The following DLGAP2 variants were observed in gnomAD, a reference collection of about 807,000 sequenced individuals.
DLGAP2 encodes DLG associated protein 2, also known as disks large-associated protein 2.
Under a neutral mutation model 100.3 loss-of-function variants are expected in DLGAP2, and 26 were observed. The ratio of observed to expected loss-of-function variants is 0.26; its 90% CI spans 0.19 to 0.36. The LOEUF (loss-of-function observed/expected upper bound fraction) is 0.36, where lower values mean the gene tolerates loss of function less well. DLGAP2 is among the 10% of genes least tolerant of loss of function. The pLI is 1.00. For synonymous variants in DLGAP2, 886 were observed against 630.1 expected, an observed-to-expected ratio of 1.41 and a Z score of -6.08; for missense variants, 1,858 against 1,453.2, an observed-to-expected ratio of 1.28 and a Z score of -4.53.
chr8:1,447,442 G>A lies in DLGAP2; in HGVS notation c.107-53924G>A, dbSNP rs545122235. Among the ~76,000 whole-genome samples the A allele has an allele frequency of 1.1e-3, 173 of 152,344 alleles. 1 individual carries two copies. The highest frequency in any genetic ancestry group is 4.0e-3 in the African/African-American group (167 of 41,580). On this transcript the variant is annotated intron_variant, in intron 3 of 14. Coordinates refer to ENST00000637795, the MANE Select transcript of DLGAP2 (RefSeq NM_001346810.2). ...TGCATCCCAGGGATGAAGCCCACTTGATCATGGTGGATAAGCTTTTTGATG... is the reference window on the plus strand; with the variant it reads ...TGCATCCCAGGGATGAAGCCCACTTAATCATGGTGGATAAGCTTTTTGATG...
chr8:840,536 T>C (rs1796962627), intron 1 of DLGAP2, among the ~76,000 whole-genome samples: 1 of 83,784 alleles, frequency 1.2e-5, no homozygotes, highest in Admixed American at 1.2e-4. Flanking sequence ...CCTGCACGTC[T>C]CCCCACACTC....
At chr8:1,361,667 T>C (rs564031783) in intron 3 of DLGAP2, among the ~76,000 whole-genome samples, 31 of 152,338 alleles carry the variant, frequency 2.0e-4, no homozygotes, top group African/African-American at 7.2e-4. Context: ...ATTAGCTTTC[T>C]CCATTTACTA....
rs540100818 is a variant in DLGAP2 at position 1,374,774 on chromosome 8, G to A, written c.106+115891G>A. 2.2e-4 allele frequency among the ~76,000 whole-genome samples: 34 copies of A among 152,010 alleles called. 1 individual carries two copies. Among genetic ancestry groups the A allele is most frequent in the African/African-American group, 4.3e-4 (18 of 41,464 alleles). ...GACGGTGGAAATCCTGCAGGGCACC[G>A]AGGCACCTAACGTCAAGGCTTCAGT... On this transcript the variant is annotated intron_variant, in intron 3 of 14. Coordinates refer to ENST00000637795, the MANE Select transcript of DLGAP2 (RefSeq NM_001346810.2).
intron 3 of DLGAP2, among the ~76,000 whole-genome samples, chr8:1,431,500 A>AGAGAAAG (rs1232749530): frequency 6.6e-6 from 1 of 152,218 alleles, no homozygotes; most frequent in Non-Finnish European, 1.5e-5. Context: ...AGAAAGAAGA[A>AGAGAAAG]GAGAAAGGAG....
chr8:1,250,873 G>A (rs773336821), intron 2 of DLGAP2, among the ~76,000 whole-genome samples: 1 of 152,206 alleles, frequency 6.6e-6, no homozygotes, highest in Non-Finnish European at 1.5e-5. Context: ...ACGGGGTGAC[G>A]CTCTGAGAAA....
chr8:1,659,308 G>A (rs1585039859), intron 8 of DLGAP2, among the ~76,000 whole-genome samples: 1 of 57,506 alleles, frequency 1.7e-5, no homozygotes, highest in South Asian at 4.1e-4. Context: ...TGAGAAGAAT[G>A]GGATATTCTG....
chr8:809,597 T>C (rs907796069), intron 1 of DLGAP2, among the ~76,000 whole-genome samples: 4 of 152,162 alleles, frequency 2.6e-5, no homozygotes, highest in Non-Finnish European at 5.9e-5. Context: ...AAATTACAGA[T>C]GAAATGGCTT....
chr8:1,200,442 C>T (rs182394972), intron 2 of DLGAP2, among the ~76,000 whole-genome samples: 82 of 152,316 alleles, frequency 5.4e-4, no homozygotes, highest in Non-Finnish European at 5.1e-4. Context: ...ATGGTGTTTC[C>T]GTTCACACTG....
At chr8:1,292,931 C>A (rs1317339759) in intron 3 of DLGAP2, among the ~76,000 whole-genome samples, 1 of 152,164 alleles carries the variant, frequency 6.6e-6, no homozygotes, top group Non-Finnish European at 1.5e-5. Context: ...AAGCACGTGT[C>A]CTCCCTGCAT....
intron 2 of DLGAP2, among the ~76,000 whole-genome samples, chr8:1,154,454 A>G (rs1481229033): frequency 6.6e-6 from 1 of 152,208 alleles, no homozygotes; most frequent in Non-Finnish European, 1.5e-5. Context: ...CTTCTACCGT[A>G]AATTTGTGCA....
chr8:981,955 C>T (rs151302667), intron 2 of DLGAP2, among the ~76,000 whole-genome samples: 2 of 152,236 alleles, frequency 1.3e-5, no homozygotes, highest in Non-Finnish European at 2.9e-5. Context: ...CTGCTGTTCA[C>T]AGGTAAACTG....
At chr8:883,677 C>G (rs888584461) in intron 1 of DLGAP2, among the ~76,000 whole-genome samples, 1 of 151,014 alleles carries the variant, frequency 6.6e-6, no homozygotes, top group African/African-American at 2.4e-5. Context: ...GCGCGTGTGC[C>G]GCGGCGGTTC....
chr8:944,050 T>G (rs1165753013), intron 2 of DLGAP2, among the ~76,000 whole-genome samples: 1 of 152,254 alleles, frequency 6.6e-6, no homozygotes, highest in African/African-American at 2.4e-5. Flanking sequence ...TGTTTTGGCG[T>G]AGAGACCATT....
chr8:946,683 T>G (rs1396315306), intron 2 of DLGAP2, among the ~76,000 whole-genome samples: 1 of 152,236 alleles, frequency 6.6e-6, no homozygotes, highest in Non-Finnish European at 1.5e-5. Flanking sequence ...AATACCTGTC[T>G]AGGTGGCTGC....
intron 2 of DLGAP2, among the ~76,000 whole-genome samples, chr8:1,226,761 A>T (rs563559878): frequency 6.6e-6 from 1 of 152,224 alleles, no homozygotes; most frequent in East Asian, 1.9e-4. Context: ...ACGTTTGTGT[A>T]ATCCTCAGTA....
At chr8:1,137,563 A>G (rs1173565598) in intron 2 of DLGAP2, 3 of 152,150 alleles carry the variant, frequency 2.0e-5, no homozygotes, top group Admixed American at 6.5e-5. Context: ...TCCTAAAGTT[A>G]TATTTGACTC....
At chr8:1,019,696 T>G (rs564550494) in intron 2 of DLGAP2, 2 of 152,322 alleles carry the variant, frequency 1.3e-5, no homozygotes, top group South Asian at 4.2e-4. Flanking sequence ...TATAAAGATA[T>G]GTCTAGAATT....
intron 3 of DLGAP2, among the ~76,000 whole-genome samples, chr8:1,486,524 G>A (rs1799240498): frequency 6.6e-6 from 1 of 152,176 alleles, no homozygotes; most frequent in Non-Finnish European, 1.5e-5. Context: ...AAGGCTGTCT[G>A]CTGAGCACAT....
chr8:1,246,049 T>C (rs1798894729), intron 2 of DLGAP2, among the ~76,000 whole-genome samples: 1 of 152,246 alleles, frequency 6.6e-6, no homozygotes, highest in Non-Finnish European at 1.5e-5. Context: ...CTGCTATTTA[T>C]GTACTATCAG....
Sources: gnomAD v4.1 joint callset for allele counts (sites outside exome capture counted in the v4.1 genomes callset) on GRCh38, gnomAD v4.1.1 for gene constraint, MANE v1.5 for transcripts, NCBI Gene and HGNC (gene_info 2026-07-23, HGNC 2026-07-21) for gene names.